Variants in HELLS observed in about 807,000 individuals in gnomAD.
The protein encoded by HELLS is helicase, lymphoid specific.
Under a neutral mutation model 120.0 loss-of-function variants are expected in HELLS, and 32 were observed. That is an observed-to-expected ratio of 0.27 (90% CI 0.20 to 0.36). The LOEUF is 0.36. HELLS is among the 10% of genes least tolerant of loss of function. HELLS has a pLI of 1.00. For synonymous variants in HELLS, 341 were observed against 323.4 expected (o/e 1.05, Z -0.58); for missense variants, 650 against 993.4 (o/e 0.65, Z 4.65).
At chr10:94,606,591 C>T (rs1044232481), downstream of HELLS, among the ~76,000 whole-genome samples, 2 of 152,122 alleles carry the variant, frequency 1.3e-5, no homozygotes, top group Non-Finnish European at 2.9e-5. Context: ...CTCAGAGGGT[C>T]CTCCTATGTT....
chr10:94,567,682 G>A (rs1322359801), intron 6 of HELLS, among the ~76,000 whole-genome samples: 1 of 152,132 alleles, frequency 6.6e-6, no homozygotes, highest in Non-Finnish European at 1.5e-5. Flanking sequence ...AGGGTGAGAG[G>A]ATCACTTAAG....
At chr10:94,552,864 A>G (rs1167374748) in intron 2 of HELLS, among the ~76,000 whole-genome samples, 2 of 152,114 alleles carry the variant, frequency 1.3e-5, no homozygotes, top group African/African-American at 4.8e-5. Context: ...CTAGAGTCCC[A>G]GCTACTTGGG....
At chr10:94,578,716 A>G (rs780077297) in intron 10 of HELLS, among the ~76,000 whole-genome samples, 13 of 152,140 alleles carry the variant, frequency 8.5e-5, no homozygotes, top group Non-Finnish European at 2.9e-5. Context: ...TTACAACTCA[A>G]CATAACGTAG....
At chr10:94,602,692 T>G (rs1846076788), downstream of HELLS, among the ~76,000 whole-genome samples, 1 of 152,224 alleles carries the variant, frequency 6.6e-6, no homozygotes, top group Non-Finnish European at 1.5e-5. Flanking sequence ...CACAGGTCTT[T>G]TCTTTTAAAT....
At chr10:94,607,188 C>T (rs927084965) in intron 8 of HELLS, among the ~76,000 whole-genome samples, 1 of 150,836 alleles carries the variant, frequency 6.6e-6, no homozygotes, top group African/African-American at 2.4e-5. Flanking sequence ...AATTACTTTA[C>T]AGGGAGGTAT....
intron 12 of HELLS, 132 bp downstream of exon 12, chr10:94,583,191 T>A (rs562008881): frequency 6.6e-6 from 3 of 454,204 alleles, no homozygotes; most frequent in African/African-American, 6.0e-5. Context: ...AAATGACTCC[T>A]TTGTCCTTTC....
intron 11 of HELLS, 30 bp downstream of exon 11, chr10:94,581,552 C>T: frequency 2.0e-6 from 3 of 1,476,890 alleles, no homozygotes; most frequent in South Asian, 2.5e-5. Context: ...AATGATTTAA[C>T]CTCAAAAATC....
At chr10:94,569,920 C>A (rs1430549037) in intron 6 of HELLS, 1 of 152,190 alleles carries the variant, frequency 6.6e-6, no homozygotes, top group Non-Finnish European at 1.5e-5. Context: ...TAATTCCCCA[C>A]ATTCTAGACT....
intron 10 of HELLS, among the ~76,000 whole-genome samples, chr10:94,579,858 A>AC (rs1286652949): frequency 6.6e-6 from 1 of 151,942 alleles, no homozygotes; most frequent in Admixed American, 6.6e-5. Context: ...TAACATGAAG[A>AC]CCCTTCCTGT....
In HELLS at chr10:94,581,333, A is replaced by G. The variant is rs377515394; in HGVS notation, c.1040A>G (p.Tyr347Cys). Residue 347 changes from tyrosine to cysteine, a missense_variant, in exon 11 of 22, where the codon TAT (tyrosine) becomes TGT (cysteine). Physicochemically the swap from Tyr to Cys is radical, Grantham distance 194. Around this residue, in one of 9 missense-constraint regions of HELLS, gnomAD observed 61 missense variants for 86.5 expected, o/e 0.71. Transcript: ENST00000348459. ...CCTCAATTCGTTTTCTAGCATTGCT[A>G]TTGGAAATACTTAATAGTAGATGAA... ...MRDRNALQHC[Y>C]WKYLIVDEGH... 26 of 1,537,256 alleles carry G rather than the reference A, an allele frequency of 1.7e-5. No individual in the cohort carries two copies. Among genetic ancestry groups the G allele is most frequent in the Admixed American group, 2.2e-5 (1 of 45,824 alleles).
At chr10:94,561,124 T>TA (rs1346339227) in intron 4 of HELLS, among the ~76,000 whole-genome samples, 2 of 151,960 alleles carry the variant, frequency 1.3e-5, no homozygotes, top group African/African-American at 2.4e-5. Context: ...TTCAGAGACT[T>TA]ACCTAGGGCT....
chr10:94,595,660 G>T (rs947795286), intron 19 of HELLS, among the ~76,000 whole-genome samples: 3 of 152,176 alleles, frequency 2.0e-5, no homozygotes, highest in Non-Finnish European at 4.4e-5. Flanking sequence ...GTGGGGAACT[G>T]ACATAGGTGA....
At chr10:94,580,184 CA>C (rs1389679260) in intron 10 of HELLS, among the ~76,000 whole-genome samples, 1 of 77,530 alleles carries the variant, frequency 1.3e-5, no homozygotes, top group Non-Finnish European at 2.5e-5. Flanking sequence ...CACACACACA[CA>C]TTTTTTTTTT....
intron 21 of HELLS, among the ~76,000 whole-genome samples, chr10:94,600,144 A>T (rs981682991): frequency 6.6e-6 from 1 of 152,176 alleles, no homozygotes; most frequent in Non-Finnish European, 1.5e-5. Context: ...AGAAAAAATT[A>T]GCGGGGCATG....
At chr10:94,595,403 C>T (rs372384863) in intron 19 of HELLS, among the ~76,000 whole-genome samples, 1 of 151,984 alleles carries the variant, frequency 6.6e-6, no homozygotes, top group Non-Finnish European at 1.5e-5. Flanking sequence ...ACTACATGTT[C>T]CTGATAAGAG....
chr10:94,562,090 A>G (rs545649148), intron 4 of HELLS, among the ~76,000 whole-genome samples: 1 of 147,758 alleles, frequency 6.8e-6, no homozygotes, highest in East Asian at 2.2e-4. Context: ...CAAGATGTAC[A>G]TGGTATTTCT....
At chr10:94,548,596 T>G (rs558297819) in intron 2 of HELLS, among the ~76,000 whole-genome samples, 1 of 152,288 alleles carries the variant, frequency 6.6e-6, no homozygotes, top group South Asian at 2.1e-4. Context: ...TTAATGACAT[T>G]TTTAAGCTTA....
chr10:94,589,602 A>G (rs977832886), intron 13 of HELLS, among the ~76,000 whole-genome samples: 1 of 151,534 alleles, frequency 6.6e-6, no homozygotes, highest in African/African-American at 2.4e-5. Context: ...TACACTATAA[A>G]CCTACGTATT....
At chr10:94,590,997 T>A (rs1371888387) in intron 15 of HELLS, among the ~76,000 whole-genome samples, 2 of 152,188 alleles carry the variant, frequency 1.3e-5, no homozygotes, top group African/African-American at 2.4e-5. Flanking sequence ...ACTAGTTTTT[T>A]AAATTTTTTT....
Sources: allele counts gnomAD v4.1 joint callset (sites outside exome capture counted in the v4.1 genomes callset), GRCh38; gene constraint gnomAD v4.1.1; regional missense constraint gnomAD v4.1.1; transcripts MANE v1.5; gene names NCBI Gene and HGNC (gene_info 2026-07-23, HGNC 2026-07-21).